AURKA: variants seen among roughly 807,000 people sequenced by gnomAD.
AURKA encodes the protein aurora kinase A.
A neutral mutation model predicts 40.9 loss-of-function variants in AURKA; 12 were observed. That is an observed-to-expected ratio of 0.29 (90% CI 0.19 to 0.48). The LOEUF is 0.48. AURKA is among the 20% of genes least tolerant of loss of function. The probability of loss-of-function intolerance (pLI) is 0.99; values close to 1 mark genes in which losing one functional copy is unlikely to be tolerated. For synonymous variants in AURKA, 170 were observed against 164.3 expected (o/e 1.03, Z -0.26); for missense variants, 322 against 462.1 (o/e 0.70, Z 2.78).
At chr20:56,388,568 T>G in intron 1 of AURKA, 1 of 270,198 alleles carries the variant, frequency 3.7e-6, no homozygotes, top group Non-Finnish European at 7.2e-6. Context: ...TCCCAGCATT[T>G]TGGGAGGCCG....
Position 56,392,208 on chromosome 20 carries a change from T to A in AURKA, c.-46A>T, listed in dbSNP as rs1987241825. On this transcript the variant is annotated 5_prime_UTR_variant, in exon 1 of 9. Coordinates refer to ENST00000395915, the MANE Select transcript of AURKA (RefSeq NM_198437.3). ...CCAAGTCTTCCAAGAGCTCAGCCGT[T>A]AGAATTCAAAGGTTCTTCTTTTTAA... 1 of 152,374 alleles carries A rather than the reference T, an allele frequency of 6.6e-6. No individual in the cohort carries two copies. The highest frequency in any genetic ancestry group is 1.9e-4 in the East Asian group (1 of 5,182). 9.4% of individuals were successfully genotyped at this position (152,374 alleles called of 1,614,324 possible).
intron 7 of AURKA, among the ~76,000 whole-genome samples, chr20:56,372,619 G>T (rs1326609952): frequency 2.7e-5 from 4 of 150,868 alleles, no homozygotes; most frequent in African/African-American, 9.8e-5. Flanking sequence ...AAAAGCAAAG[G>T]TTTTCTCCCT....
At chr20:56,379,082 C>A (rs931169881) in intron 6 of AURKA, among the ~76,000 whole-genome samples, 1 of 151,970 alleles carries the variant, frequency 6.6e-6, no homozygotes, top group African/African-American at 2.4e-5. Context: ...ACAAAAAAAT[C>A]TCATTGCATT....
intron 6 of AURKA, among the ~76,000 whole-genome samples, chr20:56,379,054 C>T (rs1305456970): frequency 6.6e-6 from 1 of 152,130 alleles, no homozygotes; most frequent in Non-Finnish European, 1.5e-5. Flanking sequence ...TGATTCCATC[C>T]TGGGCATGCA....
In AURKA at chr20:56,370,356, T is replaced by C. The variant is rs1983975843; in HGVS notation, c.1030-16A>G. ...TGAATTCAACCTGGAGTACAACAAA[T>C]GATAAAATATCACAAAACACAGGTT... On this transcript the variant is annotated splice_polypyrimidine_tract_variant and intron_variant, in intron 8 of 8. Coordinates refer to ENST00000395915, the MANE Select transcript of AURKA (RefSeq NM_198437.3). 6.2e-7 allele frequency: 1 copy of C among 1,614,182 alleles called. No homozygotes were observed. The highest frequency in any genetic ancestry group is 8.5e-7 in the Non-Finnish European group (1 of 1,179,996).
At position 56,369,404 on chromosome 20, in the gene AURKA, T is replaced by C. The variant is rs1983789326; in HGVS notation, c.*754A>G. 2 of 229,654 alleles carry C rather than the reference T, an allele frequency of 8.7e-6. No individual in the cohort carries two copies. The highest frequency in any genetic ancestry group is 8.6e-6 in the Non-Finnish European group (1 of 115,998). The allele number at this position is 229,654 out of a possible 1,614,324, so 14.2% of individuals were successfully genotyped here. ...CACTCCACACAGACATAGATACTTA[T>C]TTATTTGCATATTTAAAGTTTACAC... On this transcript the variant is annotated 3_prime_UTR_variant, in exon 9 of 9. Transcript: ENST00000395915.
At chr20:56,371,998 G>A (rs555740055) in intron 7 of AURKA, among the ~76,000 whole-genome samples, 1 of 152,336 alleles carries the variant, frequency 6.6e-6, no homozygotes, top group African/African-American at 2.4e-5. Context: ...GCACTGTATA[G>A]ACAGGTATGC....
intron 6 of AURKA, among the ~76,000 whole-genome samples, chr20:56,380,377 A>G (rs952855829): frequency 2.0e-5 from 3 of 147,938 alleles, no homozygotes; most frequent in South Asian, 2.2e-4. Context: ...AAAAAAAAAG[A>G]AAGAAAAAAA....
chr20:56,383,413 G>C (rs1985983434), intron 4 of AURKA, among the ~76,000 whole-genome samples: 1 of 152,178 alleles, frequency 6.6e-6, no homozygotes, highest in Admixed American at 6.5e-5. Flanking sequence ...TCGGGTTTTA[G>C]ACCTGAAGCA....
chr20:56,371,120 C>T (rs959081034), intron 7 of AURKA, among the ~76,000 whole-genome samples: 2 of 152,052 alleles, frequency 1.3e-5, no homozygotes, highest in African/African-American at 2.4e-5. Context: ...ATACTTGGTA[C>T]GAGTGATGCT....
intron 6 of AURKA, among the ~76,000 whole-genome samples, chr20:56,378,104 T>C (rs1373284841): frequency 1.3e-5 from 2 of 152,038 alleles, no homozygotes; most frequent in African/African-American, 4.8e-5. Context: ...GAGTTTGAGG[T>C]GGGTGATCAT....
Position 56,388,142 on chromosome 20 carries a change from A to G in AURKA, c.42+14T>C. On this transcript the variant is annotated intron_variant, in intron 2 of 8. Transcript: ENST00000395915. ...TTTATAAATGTGAATGAGATTACAG[A>G]TTATTCAATTTACCTTAACAGGTCC... is the stretch of plus-strand genomic sequence containing the variant. 6.2e-7 allele frequency: 1 copy of G among 1,613,852 alleles called. No homozygotes were observed. Among genetic ancestry groups the G allele is most frequent in the South Asian group, 1.1e-5 (1 of 91,084 alleles).
intron 3 of AURKA, 123 bp from the exon 4 acceptor site, chr20:56,384,447 CTGTT>C: frequency 1.4e-6 from 1 of 736,498 alleles, no homozygotes. Flanking sequence ...AATGATAAAT[CTGTT>C]TTTTTTTTTT....
At chr20:56,387,824 G>C (rs1478748724) in intron 2 of AURKA, among the ~76,000 whole-genome samples, 2 of 152,172 alleles carry the variant, frequency 1.3e-5, no homozygotes, top group Non-Finnish European at 1.5e-5. Context: ...ATCAAATACA[G>C]TAATTCAAGG....
intron 6 of AURKA, among the ~76,000 whole-genome samples, chr20:56,376,245 T>C (rs969527181): frequency 1.5e-4 from 23 of 152,278 alleles, no homozygotes; most frequent in African/African-American, 5.3e-4. Flanking sequence ...GTACCTGAGG[T>C]AGAGTCACTA....
At position 56,371,844 on chromosome 20, in the gene AURKA, TAGG is replaced by T. The variant is rs538679850; in HGVS notation, c.855-1188_855-1186del. On this transcript the variant is annotated intron_variant, in intron 7 of 8. Transcript: ENST00000395915. The stretch of plus-strand genomic sequence containing the variant: ...AGGAGTGATCATGGTTCTAGTTATA[TAGG>T]AGAATATCCTTATTTAGGAAATGCA... Among the ~76,000 whole-genome samples, 49 of 152,362 alleles carry T rather than the reference TAGG, an allele frequency of 3.2e-4. No homozygotes were observed. The South Asian group carries it at 0.01, about 32-fold the overall frequency.
Position 56,369,824 on chromosome 20 carries a change from C to A in AURKA, c.*334G>T. The A allele has an allele frequency of 2.1e-6, 1 of 479,276 alleles. No homozygotes were observed. Among genetic ancestry groups the A allele is most frequent in the South Asian group, 2.1e-5 (1 of 48,094 alleles). 29.7% of individuals were successfully genotyped at this position (479,276 alleles called of 1,614,324 possible). On this transcript the variant is annotated 3_prime_UTR_variant, in exon 9 of 9. Transcript: ENST00000395915. ...GATCGGGGTCAGGGCAGAGTGGTCA[C>A]TTTCCCCACAGCCAGGCTCTGGATT... is the stretch of plus-strand genomic sequence containing the variant.
At chr20:56,390,550 A>T (rs1167060584) in intron 1 of AURKA, 1 of 151,524 alleles carries the variant, frequency 6.6e-6, no homozygotes, top group Non-Finnish European at 1.5e-5. Context: ...CAGGTGATCC[A>T]CCCACCTCGG....
intron 7 of AURKA, 102 bp from the exon 8 acceptor site, chr20:56,370,761 G>A (rs1984051570): frequency 7.7e-7 from 1 of 1,300,100 alleles, no homozygotes; most frequent in Admixed American, 2.1e-5. Context: ...GTCTTCCCCT[G>A]GGCCAGATCC....
Sources: allele counts gnomAD v4.1 joint callset (sites outside exome capture counted in the v4.1 genomes callset), GRCh38; gene constraint gnomAD v4.1.1; transcripts MANE v1.5; gene names NCBI Gene and HGNC (gene_info 2026-07-23, HGNC 2026-07-21).